Variants in MS4A2 observed in about 807,000 individuals in gnomAD.
MS4A2 encodes the protein membrane spanning 4-domains A2, also known as high affinity immunoglobulin epsilon receptor subunit beta.
A neutral mutation model predicts 27.9 loss-of-function variants in MS4A2; 26 were observed. The ratio of observed to expected loss-of-function variants is 0.93; its 90% CI spans 0.68 to 1.29. The LOEUF is 1.29. Ranked by LOEUF, MS4A2 falls within the 50% of genes most tolerant of loss-of-function variation. The pLI is 0.00. For synonymous variants in MS4A2, 110 were observed against 98.8 expected, an observed-to-expected ratio of 1.11 and a Z score of -0.67; for missense variants, 284 against 284.6, an observed-to-expected ratio of 1.00 and a Z score of 0.01.
In MS4A2 at chr11:60,089,784, G is replaced by A. The variant is rs1270268594; in HGVS notation, c.149G>A (p.Trp50Ter). 2 of 1,614,136 alleles carry A rather than the reference G, an allele frequency of 1.2e-6. No individual in the cohort carries two copies. The highest frequency in any genetic ancestry group is 1.7e-6 in the Non-Finnish European group (2 of 1,180,016). The stretch of plus-strand genomic sequence containing the variant: ...GCCTCATCCCCACCACTGCATACAT[G>A]GCTGACAGTTTTGAAAAAAGAGCAG... ...KSASSPPLHTWLTVLKKEQEF... is the reference protein window; with the variant it reads ...KSASSPPLHT Residue 50 changes from tryptophan to a stop codon, truncating the protein, a stop_gained, in exon 2 of 7, where the codon TGG becomes TAG. Coordinates refer to ENST00000278888, the MANE Select transcript of MS4A2 (RefSeq NM_000139.5). LOFTEE classifies it high-confidence loss of function.
chr11:60,094,001 G>A lies in MS4A2; in HGVS notation c.575G>A (p.Gly192Glu), dbSNP rs747988240. Reference sequence around the variant, plus strand: ...ATGATGCTGTTTCTCACCATTCTGGGACTTGGTAGTGCTGTGTCACTCACA... The same window carrying A: ...ATGATGCTGTTTCTCACCATTCTGGAACTTGGTAGTGCTGTGTCACTCACA... ...VVMMLFLTIL[G>E]LGSAVSLTIC... is the part of the protein sequence containing the mutation. Residue 192 changes from glycine to glutamate, a missense_variant, in exon 6 of 7, where the codon GGA (glycine) becomes GAA (glutamate). Transcript: ENST00000278888. 8 of 1,614,074 alleles carry A rather than the reference G, an allele frequency of 5.0e-6. No individual in the cohort carries two copies. Among genetic ancestry groups the A allele is most frequent in the East Asian group, 4.5e-5 (2 of 44,876 alleles).
At chr11:60,088,346 C>G (rs1590629461), upstream of MS4A2, 1 of 203,400 alleles carries the variant, frequency 4.9e-6, no homozygotes, top group East Asian at 1.4e-4. Flanking sequence ...TAACTTCTGC[C>G]ATAGAAATGG....
At chr11:60,093,208 C>T (rs975131947) in intron 4 of MS4A2, among the ~76,000 whole-genome samples, 192 bp from the exon 5 acceptor site, 2 of 152,196 alleles carry the variant, frequency 1.3e-5, no homozygotes, top group Non-Finnish European at 2.9e-5. Context: ...CATGTGGTTC[C>T]TGAAGGCAGT....
In MS4A2 at chr11:60,088,770, A is replaced by G. The variant is rs1361690738; in HGVS notation, c.5A>G (p.Asp2Gly). 1.9e-6 allele frequency: 3 copies of G among 1,611,872 alleles called. No homozygotes were observed. Among genetic ancestry groups the G allele is most frequent in the Non-Finnish European group, 2.5e-6 (3 of 1,178,696 alleles). ...GACAGCTCGGTTAATGAAAAAATGG[A>G]CACAGAAAGTAATAGGAGAGCAAAT... is the stretch of plus-strand genomic sequence containing the variant. MDTESNRRANLA... is the reference protein window; with the variant it reads MGTESNRRANLA... The change falls in exon 1 of 7, where the codon GAC becomes GGC. Residue 2 changes from aspartate (D) to glycine (G), a missense_variant. Physicochemically the swap from Asp to Gly is moderately conservative, Grantham distance 94. Coordinates refer to ENST00000278888, the MANE Select transcript of MS4A2 (RefSeq NM_000139.5).
At chr11:60,090,252 C>T in intron 2 of MS4A2, 84 bp from the exon 3 acceptor site, 1 of 1,383,844 alleles carries the variant, frequency 7.2e-7, no homozygotes, top group South Asian at 1.2e-5. Flanking sequence ...CGCAGTTTCT[C>T]ATGTTTGGCT....
chr11:60,090,362 A>T lies in MS4A2; in HGVS notation c.213A>T (p.Ile71=). ...LGVTQILTAM[I]CLCFGTVVCS... is the part of the protein sequence containing the mutation. Reference sequence around the variant, plus strand: ...TAACACAAATTCTGACTGCTATGATATGCCTTTGTTTTGGAACAGTTGTCT... The same window carrying T: ...TAACACAAATTCTGACTGCTATGATTTGCCTTTGTTTTGGAACAGTTGTCT... Residue 71 remains isoleucine, a synonymous_variant, in exon 3 of 7, where the codon ATA becomes ATT. Transcript: ENST00000278888. 1 of 1,613,312 alleles carries T rather than the reference A, an allele frequency of 6.2e-7. No homozygotes were observed. The highest frequency in any genetic ancestry group is 8.5e-7 in the Non-Finnish European group (1 of 1,179,900).
intron 1 of MS4A2, among the ~76,000 whole-genome samples, chr11:60,089,411 A>G (rs1468883453): frequency 1.3e-5 from 2 of 152,238 alleles, no homozygotes; most frequent in Non-Finnish European, 2.9e-5. Context: ...GTCAACATAG[A>G]TGAATGAGAA....
Position 60,092,767 on chromosome 11 carries a change from C to CT in MS4A2, c.322-17dup, listed in dbSNP as rs745519111. 8.3e-5 allele frequency: 133 copies of CT among 1,605,524 alleles called. No individual in the cohort carries two copies. The Middle Eastern group carries it at 1.3e-3, about 16-fold the overall frequency. ...ATTGAAAACAAGAAACTCATTGTGG[C>CT]TTTTTTTTCCTCCTTTTTGAACAGT... On this transcript the variant is annotated intron_variant, in intron 3 of 6. Coordinates refer to ENST00000278888, the MANE Select transcript of MS4A2 (RefSeq NM_000139.5).
chr11:60,093,917 G>A (rs764434850), intron 5 of MS4A2, 47 bp from the exon 6 acceptor site: 70 of 1,458,688 alleles, frequency 4.8e-5, no homozygotes, highest in Non-Finnish European at 6.0e-5. Flanking sequence ...CTTTTGGGGC[G>A]AATACCATGT....
chr11:60,094,767 G>C (rs1855836794), intron 6 of MS4A2, among the ~76,000 whole-genome samples: 1 of 152,082 alleles, frequency 6.6e-6, no homozygotes, highest in Admixed American at 6.6e-5. Context: ...TGGCCAAATG[G>C]CAAAACCAAA....
intron 3 of MS4A2, among the ~76,000 whole-genome samples, chr11:60,091,931 T>C (rs1855766471): frequency 6.6e-6 from 1 of 152,252 alleles, no homozygotes; most frequent in African/African-American, 2.4e-5. Context: ...TGCTATTGAC[T>C]TATATTTATA....
At chr11:60,091,804 C>T (rs540577829) in intron 3 of MS4A2, among the ~76,000 whole-genome samples, 167 of 152,232 alleles carry the variant, frequency 1.1e-3, no homozygotes, top group African/African-American at 3.9e-3. Flanking sequence ...TGAACCTGTA[C>T]CTCTGTTATA....
rs144200070 is a variant in MS4A2, at chr11:60,091,310, C to T, written c.321+840C>T. On this transcript the variant is annotated intron_variant, in intron 3 of 6. Transcript: ENST00000278888. Reference sequence around the variant, plus strand: ...TTCTCCTGGTATCTCTTTTACTCATCGTTCTATCTGGAAAAATAGGTGGAT... The same window carrying T: ...TTCTCCTGGTATCTCTTTTACTCATTGTTCTATCTGGAAAAATAGGTGGAT... Among the ~76,000 whole-genome samples, 6 of 152,168 alleles carry T rather than the reference C, an allele frequency of 3.9e-5. No homozygotes were observed. In the East Asian group the frequency reaches 7.7e-4, roughly 20 times the overall value.
In MS4A2 at chr11:60,098,041, A is replaced by G. The variant is rs1855898945; in HGVS notation, c.*2385A>G. On this transcript the variant is annotated 3_prime_UTR_variant, in exon 7 of 7. Coordinates refer to ENST00000278888, the MANE Select transcript of MS4A2 (RefSeq NM_000139.5). Reference sequence around the variant, plus strand: ...GGACCTCTAGGAGTGGATCCAATCTATATCTTTACAGTTGTATAGTATATG... The same window carrying G: ...GGACCTCTAGGAGTGGATCCAATCTGTATCTTTACAGTTGTATAGTATATG... The G allele has an allele frequency of 6.6e-6, 1 of 152,226 alleles. No individual in the cohort carries two copies. The highest frequency in any genetic ancestry group is 1.5e-5 in the Non-Finnish European group (1 of 68,024). The allele number at this position is 152,226 out of a possible 1,614,324, so 9.4% of individuals were successfully genotyped here.
chr11:60,089,473 TG>T (rs1855716472), intron 1 of MS4A2, among the ~76,000 whole-genome samples: 1 of 152,242 alleles, frequency 6.6e-6, no homozygotes, highest in African/African-American at 2.4e-5. Flanking sequence ...GCATGGATTT[TG>T]CTCCATTTTG....
chr11:60,093,508 A>G lies in MS4A2; in HGVS notation c.487A>G (p.Ser163Gly). ...KKSLAYIHIH[S>G]CQKFFETKCF... is the part of the protein sequence containing the mutation. ...GAGCTTGGCCTATATCCACATCCACAGTTGCCAGAAATTTTTTGAGACCAA... is the reference window on the plus strand; with the variant it reads ...GAGCTTGGCCTATATCCACATCCACGGTTGCCAGAAATTTTTTGAGACCAA... Residue 163 changes from serine (S) to glycine (G), a missense_variant, in exon 5 of 7, where the codon AGT becomes GGT. By Grantham distance (56) the Ser-to-Gly change is moderately conservative (BLOSUM62 0). Transcript: ENST00000278888. The G allele has an allele frequency of 6.2e-7, 1 of 1,614,174 alleles. No individual in the cohort carries two copies. Among genetic ancestry groups the G allele is most frequent in the South Asian group, 1.1e-5 (1 of 91,086 alleles).
upstream of MS4A2, chr11:60,088,577 T>A (rs1326232369): frequency 1.4e-6 from 2 of 1,420,998 alleles, no homozygotes; most frequent in East Asian, 5.2e-5. Flanking sequence ...TCATCACAAG[T>A]AAAAGCCTGT....
chr11:60,088,681 T>C lies in MS4A2; in HGVS notation c.-85T>C. 1.3e-6 allele frequency: 2 copies of C among 1,557,620 alleles called. No homozygotes were observed. The highest frequency in any genetic ancestry group is 2.4e-5 in the South Asian group (2 of 85,026). On this transcript the variant is annotated 5_prime_UTR_variant, in exon 1 of 7. Transcript: ENST00000278888. ...CATGAGGTAACCCATTTCAACTGCC[T>C]ATTCAGAGCATGCAGTAAGAGGAAA...
rs1404085248 is a variant in MS4A2 at position 60,090,396 on chromosome 11, C to G, written c.247C>G (p.Leu83Val). The G allele has an allele frequency of 6.2e-7, 1 of 1,613,342 alleles. No homozygotes were observed. Among genetic ancestry groups the G allele is most frequent in the Non-Finnish European group, 8.5e-7 (1 of 1,179,758 alleles). The change falls in exon 3 of 7, where the codon CTT becomes GTT. Residue 83 changes from leucine to valine, a missense_variant. Coordinates refer to ENST00000278888, the MANE Select transcript of MS4A2 (RefSeq NM_000139.5). ...LCFGTVVCSV[L>V]DISHIEGDIF... The stretch of plus-strand genomic sequence containing the variant: ...TTTTGGAACAGTTGTCTGCTCTGTA[C>G]TTGATATTTCACACATTGAGGGAGA...
Sources: gnomAD v4.1 joint callset for allele counts (sites outside exome capture counted in the v4.1 genomes callset) on GRCh38, gnomAD v4.1.1 for gene constraint, MANE v1.5 for transcripts, NCBI Gene and HGNC (gene_info 2026-07-23, HGNC 2026-07-21) for gene names.